The following AK4 variants were observed in gnomAD, a reference collection of about 807,000 sequenced individuals.
AK4 encodes adenylate kinase 4, mitochondrial.
A neutral mutation model predicts 24.6 loss-of-function variants in AK4; 13 were observed. The ratio of observed to expected loss-of-function variants is 0.53; its 90% CI spans 0.34 to 0.84. AK4 has a LOEUF of 0.84. AK4 is among the 40% of genes least tolerant of loss of function. The pLI is 0.01. For synonymous variants in AK4, 88 were observed against 107.0 expected (o/e 0.82, Z 1.10); for missense variants, 192 against 288.2 (o/e 0.67, Z 2.42).
chr1:65,220,702 CT>C (rs1652270129), intron 3 of AK4, among the ~76,000 whole-genome samples: 2 of 152,212 alleles, frequency 1.3e-5, no homozygotes. Context: ...TCTCGAACCC[CT>C]GATCTCAAGT....
At chr1:65,172,794 C>T (rs972275897) in intron 1 of AK4, among the ~76,000 whole-genome samples, 9 of 150,404 alleles carry the variant, frequency 6.0e-5, no homozygotes, top group Middle Eastern at 6.9e-3. Flanking sequence ...AGATGAAATG[C>T]GATGCTTTCT....
chr1:65,183,649 CCGTGTGTGTG>C (rs1389054424), intron 1 of AK4, among the ~76,000 whole-genome samples: 64 of 111,716 alleles, frequency 5.7e-4, no homozygotes, highest in South Asian at 3.9e-3. Context: ...ATATAAATAT[CCGTGTGTGTG>C]TGTGTGTGTG....
chr1:65,218,778 C>T lies in AK4; in HGVS notation c.290C>T (p.Ala97Val), dbSNP rs970408250. The change falls in exon 3 of 5, where the codon GCC becomes GTC. Residue 97 changes from alanine (A) to valine (V), a missense_variant. Coordinates refer to ENST00000327299, the MANE Select transcript of AK4 (RefSeq NM_013410.4). ...GGTTTTCCTAGGACATTAGGACAAGCCGAAGCCCTGGACAAAATCTGTGAA... is the reference window on the plus strand; with the variant it reads ...GGTTTTCCTAGGACATTAGGACAAGTCGAAGCCCTGGACAAAATCTGTGAA... ...LDGFPRTLGQ[A>V]EALDKICEVD... 5.7e-6 allele frequency: 9 copies of T among 1,588,500 alleles called. No homozygotes were observed. The highest frequency in any genetic ancestry group is 7.7e-6 in the Non-Finnish European group (9 of 1,169,768).
intron 1 of AK4, among the ~76,000 whole-genome samples, chr1:65,166,644 T>G (rs1650339775): frequency 1.3e-5 from 2 of 152,134 alleles, no homozygotes; most frequent in African/African-American, 2.4e-5. Context: ...CACCTCCGTT[T>G]CCCATGTAGC....
intron 1 of AK4, chr1:65,154,410 G>A (rs1649902807): frequency 2.5e-6 from 1 of 400,810 alleles, no homozygotes; most frequent in Non-Finnish European, 5.1e-6. Context: ...TGCTGATTAA[G>A]AATGCCCTTG....
intron 1 of AK4, among the ~76,000 whole-genome samples, chr1:65,152,549 C>T (rs1045666141): frequency 1.3e-5 from 2 of 151,064 alleles, no homozygotes; most frequent in Non-Finnish European, 3.0e-5. Context: ...ACTACAGGCA[C>T]ACACCACCAC....
chr1:65,158,756 C>A (rs2100989074), intron 1 of AK4, among the ~76,000 whole-genome samples: 1 of 152,250 alleles, frequency 6.6e-6, no homozygotes, highest in South Asian at 2.1e-4. Context: ...ATCCACCTGC[C>A]TAGGCCTCCC....
At chr1:65,161,670 C>A (rs773934213) in intron 1 of AK4, among the ~76,000 whole-genome samples, 12 of 152,066 alleles carry the variant, frequency 7.9e-5, no homozygotes, top group Non-Finnish European at 1.8e-4. Context: ...TTCATAATTT[C>A]AGTTATTGTC....
intron 1 of AK4, among the ~76,000 whole-genome samples, chr1:65,155,834 T>A (rs776798957): frequency 4.2e-4 from 62 of 149,344 alleles, no homozygotes; most frequent in Non-Finnish European, 5.7e-4. Flanking sequence ...CATGCCTGGC[T>A]TAATTTTTTG....
At chr1:65,226,005 C>T in intron 4 of AK4, 58 bp from the exon 5 acceptor site, 1 of 1,546,736 alleles carries the variant, frequency 6.5e-7, no homozygotes, top group Non-Finnish European at 8.9e-7. Flanking sequence ...GGATCTTCTG[C>T]ACTAATACGT....
intron 1 of AK4, among the ~76,000 whole-genome samples, chr1:65,171,556 C>T (rs893668886): frequency 2.0e-5 from 3 of 151,936 alleles, no homozygotes; most frequent in Non-Finnish European, 4.4e-5. Flanking sequence ...CTGCCCACCT[C>T]GGCCTCCCAA....
chr1:65,212,853 G>A (rs1030618710), intron 2 of AK4, among the ~76,000 whole-genome samples: 2 of 152,148 alleles, frequency 1.3e-5, no homozygotes, highest in African/African-American at 2.4e-5. Context: ...ATTAAACTGA[G>A]GCTAATAACT....
intron 1 of AK4, among the ~76,000 whole-genome samples, chr1:65,153,743 G>A (rs543536465): frequency 9.2e-5 from 14 of 152,228 alleles, no homozygotes; most frequent in South Asian, 6.2e-4. Context: ...TGTGATTAGG[G>A]AAGGCCTCTC....
chr1:65,169,656 GAT>G (rs1300524430), intron 1 of AK4, among the ~76,000 whole-genome samples: 1 of 152,124 alleles, frequency 6.6e-6, no homozygotes, highest in Non-Finnish European at 1.5e-5. Context: ...CAGTAATCAA[GAT>G]AAATAATAGT....
intron 1 of AK4, among the ~76,000 whole-genome samples, chr1:65,168,145 C>CTTTTTTTT (rs3051710): frequency 8.0e-6 from 1 of 125,274 alleles, no homozygotes; most frequent in African/African-American, 3.1e-5. Flanking sequence ...TCTGCATATT[C>CTTTTTTTT]TTTTTTTTTT....
At chr1:65,181,626 G>A (rs1650911000) in intron 1 of AK4, among the ~76,000 whole-genome samples, 2 of 152,136 alleles carry the variant, frequency 1.3e-5, no homozygotes, top group South Asian at 4.1e-4. Context: ...GACCTCAAGT[G>A]ATCTGCCTGT....
At chr1:65,166,509 T>G (rs1035539066) in intron 1 of AK4, among the ~76,000 whole-genome samples, 4 of 152,132 alleles carry the variant, frequency 2.6e-5, no homozygotes, top group Non-Finnish European at 5.9e-5. Flanking sequence ...GAAGACTCCT[T>G]GAATCCATAA....
rs866502673 is a variant in AK4 at position 65,202,097 on chromosome 1, T to G, written c.265+11268T>G. ...ATATTTTTAAACTCTACTTCCAACATTTAAAAATTAACTGGATTGGCCGGG... is the reference window on the plus strand; with the variant it reads ...ATATTTTTAAACTCTACTTCCAACAGTTAAAAATTAACTGGATTGGCCGGG... On this transcript the variant is annotated intron_variant, in intron 2 of 4. Coordinates refer to ENST00000327299, the MANE Select transcript of AK4 (RefSeq NM_013410.4). 2.0e-5 allele frequency among the ~76,000 whole-genome samples: 3 copies of G among 152,182 alleles called. 1 individual carries two copies. Among genetic ancestry groups the G allele is most frequent in the African/African-American group, 7.2e-5 (3 of 41,464 alleles).
chr1:65,222,604 G>A (rs886292984), intron 3 of AK4, among the ~76,000 whole-genome samples: 2 of 152,200 alleles, frequency 1.3e-5, no homozygotes, highest in Admixed American at 6.5e-5. Context: ...CCTTGTGGCT[G>A]TAAGTAAAAT....
Sources: gnomAD v4.1 joint callset for allele counts (sites outside exome capture counted in the v4.1 genomes callset) on GRCh38, gnomAD v4.1.1 for gene constraint, MANE v1.5 for transcripts, NCBI Gene and HGNC (gene_info 2026-07-23, HGNC 2026-07-21) for gene names.